Variants in SPAM1 observed in about 807,000 individuals in gnomAD.
The protein encoded by SPAM1 is hyaluronidase PH-20.
A neutral mutation model predicts 29.6 loss-of-function variants in SPAM1; 22 were observed. The ratio of observed to expected loss-of-function variants is 0.74; its 90% CI spans 0.53 to 1.06. The LOEUF is 1.06. Among genes scored for constraint, SPAM1 ranks in the 50% least tolerant of loss-of-function variants. SPAM1 has a pLI of 0.00. For missense variants in SPAM1, 534 were observed against 604.0 expected (o/e 0.88, Z 1.21); for synonymous variants, 194 against 204.6 (o/e 0.95, Z 0.44).
intron 1 of SPAM1, among the ~76,000 whole-genome samples, chr7:123,926,459 G>C (rs1584943684): frequency 6.6e-6 from 1 of 152,160 alleles, no homozygotes; most frequent in East Asian, 1.9e-4. Context: ...CAGAAATATA[G>C]TATAGGACAT....
chr7:123,932,585 T>A (rs140895463), intron 1 of SPAM1: 3 of 152,442 alleles, frequency 2.0e-5, no homozygotes, highest in Non-Finnish European at 4.4e-5. Flanking sequence ...TATAAAATGA[T>A]GAACAGTAAA....
At chr7:123,928,062 T>C (rs1483718349) in intron 1 of SPAM1, among the ~76,000 whole-genome samples, 2 of 152,126 alleles carry the variant, frequency 1.3e-5, no homozygotes, top group East Asian at 1.9e-4. Context: ...TTGATTCCCA[T>C]CTAAATCAAA....
chr7:123,946,228 G>C (rs1180824902), intron 1 of SPAM1, among the ~76,000 whole-genome samples: 1 of 152,152 alleles, frequency 6.6e-6, no homozygotes, highest in Non-Finnish European at 1.5e-5. Flanking sequence ...TTGGAAGCAA[G>C]TAAAACTCAG....
downstream of SPAM1, among the ~76,000 whole-genome samples, chr7:123,963,915 T>C (rs1239879341): frequency 6.6e-6 from 1 of 151,950 alleles, no homozygotes; most frequent in Middle Eastern, 3.2e-3. Flanking sequence ...GTTATAAGAA[T>C]GGTAGGTGCT....
At chr7:123,941,677 A>G (rs1808433584) in intron 1 of SPAM1, among the ~76,000 whole-genome samples, 1 of 152,182 alleles carries the variant, frequency 6.6e-6, no homozygotes, top group African/African-American at 2.4e-5. Flanking sequence ...TCATTTAGGA[A>G]TAAAATGGGA....
At chr7:123,939,665 C>T (rs1808366882) in intron 1 of SPAM1, among the ~76,000 whole-genome samples, 1 of 152,194 alleles carries the variant, frequency 6.6e-6, no homozygotes, top group African/African-American at 2.4e-5. Context: ...GCTAATCAAA[C>T]TCTAATCAGG....
Position 123,959,868 on chromosome 7 carries a change from G to C in SPAM1, c.1429G>C (p.Glu477Gln). The change falls in exon 5 of 5, where the codon GAA (glutamate) becomes CAA (glutamine). Residue 477 changes from glutamate (E) to glutamine (Q), a missense_variant. Coordinates refer to ENST00000682466, the MANE Select transcript of SPAM1 (RefSeq NM_153189.3). ...TCTAAAACCTCCCATGGAGACAGAA[G>C]AACCTCAAATTTTCTACAATGCTTC... ...AFLKPPMETE[E>Q]PQIFYNASPS... 6.2e-7 allele frequency: 1 copy of C among 1,613,076 alleles called. No individual in the cohort carries two copies.
intron 1 of SPAM1, among the ~76,000 whole-genome samples, chr7:123,937,757 A>G (rs1467077087): frequency 6.6e-6 from 1 of 152,204 alleles, no homozygotes; most frequent in Non-Finnish European, 1.5e-5. Flanking sequence ...TTGGTATAAT[A>G]GAACTACAAA....
At chr7:123,933,186 G>C (rs1367458927) in intron 1 of SPAM1, among the ~76,000 whole-genome samples, 2 of 151,794 alleles carry the variant, frequency 1.3e-5, no homozygotes, top group Admixed American at 1.3e-4. Flanking sequence ...AGCCTCGCGT[G>C]CATTAGGTAT....
chr7:123,971,029 C>G (rs571360587), exon 7 of SPAM1: 7 of 152,066 alleles, frequency 4.6e-5, no homozygotes, highest in Non-Finnish European at 1.0e-4. Flanking sequence ...CCATGACTAT[C>G]ATCACCAACA....
intron 1 of SPAM1, chr7:123,947,576 CACCA>C (rs1183622929): frequency 3.8e-4 from 29 of 76,654 alleles, no homozygotes; most frequent in Non-Finnish European, 6.4e-4. Context: ...GAGATTAAAA[CACCA>C]CACACACACA....
chr7:123,931,309 TA>T (rs1338982453), intron 1 of SPAM1, among the ~76,000 whole-genome samples: 1 of 152,110 alleles, frequency 6.6e-6, no homozygotes, highest in East Asian at 1.9e-4. Flanking sequence ...CCATAAAACC[TA>T]AAAATATTAC....
In SPAM1 at chr7:123,967,380, T is replaced by A. The variant is rs1482929439; in HGVS notation, c.1486-2818T>A. 2.0e-5 allele frequency among the ~76,000 whole-genome samples: 3 copies of A among 152,096 alleles called. No homozygotes were observed. The South Asian group carries it at 6.2e-4, about 31-fold the overall frequency. On this transcript the variant is annotated intron_variant, in intron 5 of 6. Coordinates refer to the SPAM1 transcript ENST00000340011. ...CTTCTGTGTCCTTGAAAGATAATTT[T>A]AAAAATGTACTTATAAAACTGATTT...
Position 123,953,623 on chromosome 7 carries a change from G to C in SPAM1, c.53G>C (p.Ser18Thr), listed in dbSNP as rs774245869. ...HIFFRSFVKS[S>T]GVSQIVFTFL... is the part of the protein sequence containing the mutation. Reference sequence around the variant, plus strand: ...TTTTTCAGAAGCTTTGTTAAATCAAGTGGAGTATCCCAGATAGTTTTCACC... The same window carrying C: ...TTTTTCAGAAGCTTTGTTAAATCAACTGGAGTATCCCAGATAGTTTTCACC... Residue 18 changes from serine (S) to threonine (T), a missense_variant, in exon 3 of 5, where the codon AGT becomes ACT. Ser to Thr is a moderately conservative substitution (Grantham distance 58, BLOSUM62 1). Coordinates refer to ENST00000682466, the MANE Select transcript of SPAM1 (RefSeq NM_153189.3). The C allele has an allele frequency of 1.9e-6, 3 of 1,606,498 alleles. No homozygotes were observed. Among genetic ancestry groups the C allele is most frequent in the Non-Finnish European group, 2.5e-6 (3 of 1,177,828 alleles).
chr7:123,942,182 A>G (rs1808450933), intron 1 of SPAM1, among the ~76,000 whole-genome samples: 1 of 152,214 alleles, frequency 6.6e-6, no homozygotes, highest in Admixed American at 6.5e-5. Flanking sequence ...TCAAATCAGG[A>G]AAAATGGGGA....
intron 4 of SPAM1, 40 bp from the exon 5 acceptor site, chr7:123,959,444 T>C (rs751679247): frequency 2.1e-6 from 3 of 1,422,230 alleles, no homozygotes; most frequent in African/African-American, 2.9e-5. Context: ...TGAACTAACT[T>C]GTCCTTTGAT....
downstream of SPAM1, among the ~76,000 whole-genome samples, chr7:123,963,470 A>T (rs1218979965): frequency 2.0e-5 from 3 of 151,852 alleles, no homozygotes; most frequent in Admixed American, 6.6e-5. Flanking sequence ...GTGTGAAAAG[A>T]GGAACCAAAG....
Position 123,951,422 on chromosome 7 carries a change from G to A in SPAM1, c.-207+1439G>A, listed in dbSNP as rs564708026. Among the ~76,000 whole-genome samples, 8 of 152,208 alleles carry A rather than the reference G, an allele frequency of 5.3e-5. No homozygotes were observed. In the South Asian group the frequency reaches 6.2e-4, roughly 12 times the overall value. ...TAGATACTTCAAACAAAAAGAAGAC[G>A]TTATTCTTGATGCTAACTTCTAGGT... On this transcript the variant is annotated intron_variant, in intron 2 of 4. Transcript: ENST00000682466.
chr7:123,967,400 T>G (rs980179096), intron 5 of SPAM1, among the ~76,000 whole-genome samples: 9 of 152,110 alleles, frequency 5.9e-5, no homozygotes, highest in South Asian at 4.1e-4. Context: ...CTTATAAAAC[T>G]GATTTAAACT....
Sources: gnomAD v4.1 joint callset for allele counts (sites outside exome capture counted in the v4.1 genomes callset) on GRCh38, gnomAD v4.1.1 for gene constraint, MANE v1.5 for transcripts, NCBI Gene and HGNC (gene_info 2026-07-23, HGNC 2026-07-21) for gene names.